Variants in LRRC4C observed in about 807,000 individuals in gnomAD.
The protein encoded by LRRC4C is leucine rich repeat containing 4C.
Under a neutral mutation model 33.6 loss-of-function variants are expected in LRRC4C, and 5 were observed. The observed-to-expected ratio is 0.15, with a 90% confidence interval of 0.08 to 0.31. The LOEUF is 0.31. Among genes scored for constraint, LRRC4C ranks in the 10% least tolerant of loss-of-function variants. The pLI, the probability that LRRC4C is intolerant of heterozygous loss-of-function variation, is 1.00. For missense variants in LRRC4C, 560 were observed against 796.7 expected (o/e 0.70, Z 3.58); for synonymous variants, 329 against 302.0 (o/e 1.09, Z -0.93).
chr11:40,256,356 T>C (rs1037121858), intron 4 of LRRC4C, among the ~76,000 whole-genome samples: 5 of 152,162 alleles, frequency 3.3e-5, no homozygotes, highest in Admixed American at 3.3e-4. Context: ...GAAGTAATGA[T>C]GACAATCCTA....
intron 4 of LRRC4C, among the ~76,000 whole-genome samples, chr11:40,263,491 A>G (rs947067003): frequency 1.3e-5 from 2 of 152,130 alleles, no homozygotes; most frequent in East Asian, 3.9e-4. Flanking sequence ...TGGAAGTCCC[A>G]GGAATCACAC....
chr11:40,542,149 T>C (rs1017137125), intron 3 of LRRC4C, among the ~76,000 whole-genome samples: 3 of 151,978 alleles, frequency 2.0e-5, no homozygotes, highest in Non-Finnish European at 2.9e-5. Context: ...CAGACCTGTA[T>C]GGAGTTAGAG....
intron 1 of LRRC4C, among the ~76,000 whole-genome samples, chr11:41,118,122 C>G (rs1014150882): frequency 3.3e-5 from 5 of 152,126 alleles, no homozygotes; most frequent in African/African-American, 1.2e-4. Context: ...GACTTATTCT[C>G]AAAACCTAAA....
At chr11:40,670,993 G>A (rs1944072236) in intron 2 of LRRC4C, among the ~76,000 whole-genome samples, 1 of 152,190 alleles carries the variant, frequency 6.6e-6, no homozygotes, top group African/African-American at 2.4e-5. Flanking sequence ...TCAATCTCCT[G>A]ACCTCGTGAT....
At position 40,359,013 on chromosome 11, in the gene LRRC4C, C is replaced by T. The variant is rs541927100; in HGVS notation, c.-269-39292G>A. Among the ~76,000 whole-genome samples, 9 of 152,104 alleles carry T rather than the reference C, an allele frequency of 5.9e-5. No individual in the cohort carries two copies. The East Asian group carries it at 1.7e-3, about 29-fold the overall frequency. ...TAATGATTTTCATCAGCTTAAAAAG[C>T]CAGTTTAATTAATCTCCTTCTGTTT... On this transcript the variant is annotated intron_variant, in intron 3 of 6. Transcript: ENST00000528697.
intron 1 of LRRC4C, among the ~76,000 whole-genome samples, chr11:41,252,714 AAG>A (rs1948680758): frequency 1.3e-5 from 2 of 152,196 alleles, no homozygotes; most frequent in South Asian, 4.1e-4. Context: ...TTATAAAGGA[AAG>A]AGATTTAATT....
At chr11:40,956,252 T>C (rs567474219) in intron 1 of LRRC4C, among the ~76,000 whole-genome samples, 1 of 151,914 alleles carries the variant, frequency 6.6e-6, no homozygotes, top group South Asian at 2.1e-4. Flanking sequence ...GATTGTAAAA[T>C]ACATTCTTAT....
chr11:40,155,395 C>G (rs1228641956), intron 5 of LRRC4C, among the ~76,000 whole-genome samples: 1 of 151,714 alleles, frequency 6.6e-6, no homozygotes, highest in African/African-American at 2.4e-5. Flanking sequence ...TAAAAAAATA[C>G]AAAAGATAAA....
intron 1 of LRRC4C, among the ~76,000 whole-genome samples, chr11:41,356,188 C>A (rs752589200): frequency 1.3e-5 from 2 of 151,994 alleles, no homozygotes; most frequent in African/African-American, 4.8e-5. Flanking sequence ...TAAGCTAGAC[C>A]CACCCATTCC....
At chr11:40,461,412 TA>T (rs1952390316) in intron 3 of LRRC4C, among the ~76,000 whole-genome samples, 2 of 152,130 alleles carry the variant, frequency 1.3e-5, no homozygotes, top group African/African-American at 4.8e-5. Context: ...TGTAACTTTC[TA>T]GTGTCTTATG....
intron 3 of LRRC4C, among the ~76,000 whole-genome samples, chr11:40,345,427 T>C (rs1947080989): frequency 6.6e-6 from 1 of 152,044 alleles, no homozygotes; most frequent in Non-Finnish European, 1.5e-5. Context: ...TTGACAAAGC[T>C]GACAAAAACA....
chr11:40,604,006 A>C (rs1254044594), intron 3 of LRRC4C, among the ~76,000 whole-genome samples: 1 of 152,210 alleles, frequency 6.6e-6, no homozygotes. Flanking sequence ...ACGTTGGGTC[A>C]TAATGAAGTA....
intron 3 of LRRC4C, among the ~76,000 whole-genome samples, chr11:40,429,323 C>T (rs542873216): frequency 6.6e-6 from 1 of 152,296 alleles, no homozygotes; most frequent in African/African-American, 2.4e-5. Context: ...ATCCACGCGC[C>T]TCATACTCCC....
At chr11:41,218,303 G>T (rs1054395994) in intron 1 of LRRC4C, among the ~76,000 whole-genome samples, 1 of 152,158 alleles carries the variant, frequency 6.6e-6, no homozygotes, top group African/African-American at 2.4e-5. Context: ...CATATAGAAA[G>T]TGATCACATA....
intron 2 of LRRC4C, among the ~76,000 whole-genome samples, chr11:40,680,602 C>T (rs1187113899): frequency 1.3e-5 from 2 of 152,164 alleles, no homozygotes; most frequent in Non-Finnish European, 2.9e-5. Context: ...GCATGAGTTT[C>T]TCTGCACAAG....
intron 1 of LRRC4C, among the ~76,000 whole-genome samples, chr11:41,097,420 C>T (rs531202858): frequency 1.6e-4 from 25 of 152,028 alleles, no homozygotes; most frequent in Non-Finnish European, 2.9e-4. Context: ...TACTATTATG[C>T]CACTATTGAC....
chr11:41,161,488 A>G (rs1377362016), intron 1 of LRRC4C, among the ~76,000 whole-genome samples: 23 of 152,184 alleles, frequency 1.5e-4, no homozygotes, highest in Admixed American at 1.4e-3. Context: ...TTGGGGGCAC[A>G]CTGATATTAA....
chr11:40,281,345 A>G (rs1448981169), intron 4 of LRRC4C, among the ~76,000 whole-genome samples: 3 of 152,132 alleles, frequency 2.0e-5, no homozygotes, highest in African/African-American at 7.2e-5. Context: ...GTCTCTGCTG[A>G]GGTGAGCCTC....
At chr11:40,179,939 T>C (rs1395332162) in intron 5 of LRRC4C, among the ~76,000 whole-genome samples, 2 of 152,164 alleles carry the variant, frequency 1.3e-5, no homozygotes, top group Non-Finnish European at 2.9e-5. Context: ...ATGTGATAGA[T>C]AGGTAGAAAA....
Sources: allele counts gnomAD v4.1 joint callset (sites outside exome capture counted in the v4.1 genomes callset), GRCh38; gene constraint gnomAD v4.1.1; transcripts MANE v1.5; gene names NCBI Gene and HGNC (gene_info 2026-07-23, HGNC 2026-07-21).